Variants in CLEC2D observed in about 807,000 individuals in gnomAD.
The protein encoded by CLEC2D is C-type lectin related f.
A neutral mutation model predicts 20.0 loss-of-function variants in CLEC2D; 16 were observed. That is an observed-to-expected ratio of 0.80 (90% CI 0.54 to 1.22). CLEC2D has a LOEUF of 1.22. CLEC2D is among the 50% of genes most tolerant of loss of function. The pLI is 0.00. For synonymous variants in CLEC2D, 77 were observed against 71.1 expected (o/e 1.08, Z -0.42); for missense variants, 207 against 221.5 (o/e 0.93, Z 0.42).
chr12:9,698,156 T>TA lies in CLEC2D; in HGVS notation c.*3283dup, dbSNP rs1866043760. On this transcript the variant is annotated 3_prime_UTR_variant, in exon 5 of 5. Coordinates refer to ENST00000290855, the MANE Select transcript of CLEC2D (RefSeq NM_013269.6). ...TATGGAATACAATGTGATGTTCTGA[T>TA]ATATGTGTACACTATGGAATGATTA... The TA allele has an allele frequency of 1.3e-5, 2 of 152,238 alleles. No homozygotes were observed. Among genetic ancestry groups the TA allele is most frequent in the African/African-American group, 4.8e-5 (2 of 41,474 alleles). 9.4% of individuals were successfully genotyped at this position (152,238 alleles called of 1,614,324 possible).
chr12:9,693,717 T>A (rs946036567), intron 4 of CLEC2D: 2 of 388,210 alleles, frequency 5.2e-6, no homozygotes, highest in Admixed American at 6.0e-5. Context: ...TTGTGACTGC[T>A]TCATAAATAT....
At chr12:9,691,389 T>C (rs977532803) in intron 3 of CLEC2D, among the ~76,000 whole-genome samples, 6 of 152,078 alleles carry the variant, frequency 3.9e-5, no homozygotes, top group African/African-American at 1.4e-4. Flanking sequence ...AATAGAAAAT[T>C]TGAACAACAC....
At chr12:9,689,234 T>C (rs1865815128) in intron 3 of CLEC2D, among the ~76,000 whole-genome samples, 1 of 152,164 alleles carries the variant, frequency 6.6e-6, no homozygotes, top group Non-Finnish European at 1.5e-5. Context: ...ACAATTTTTA[T>C]TAGATAACTG....
At position 9,698,923 on chromosome 12, in the gene CLEC2D, C is replaced by A. The variant is rs1192175886; in HGVS notation, c.*4049C>A. 1.3e-5 allele frequency: 2 copies of A among 152,172 alleles called. No homozygotes were observed. The highest frequency in any genetic ancestry group is 2.9e-5 in the Non-Finnish European group (2 of 68,024). The allele number at this position is 152,172 out of a possible 1,614,324, so 9.4% of individuals were successfully genotyped here. A position where few individuals can be genotyped will look rare whatever the true frequency, so the allele number is the denominator to read the frequency against. On this transcript the variant is annotated 3_prime_UTR_variant, in exon 5 of 5. Transcript: ENST00000290855. ...TTCCTTTATCTGCTTTAAGTTCAGA[C>A]TCACCAAATAAGAAAACAGTTAATT... is the stretch of plus-strand genomic sequence containing the variant.
chr12:9,675,181 T>G (rs1388545031), intron 1 of CLEC2D, among the ~76,000 whole-genome samples: 1 of 147,322 alleles, frequency 6.8e-6, no homozygotes, highest in Non-Finnish European at 1.5e-5. Context: ...ATTAATTTAT[T>G]TGTCTATTCC....
intron 3 of CLEC2D, among the ~76,000 whole-genome samples, chr12:9,690,127 A>G (rs1428240112): frequency 2.6e-5 from 4 of 152,100 alleles, no homozygotes; most frequent in African/African-American, 9.7e-5. Context: ...GCAACTCATC[A>G]TTTACATAAG....
At chr12:9,688,261 C>T in intron 3 of CLEC2D, 175 bp downstream of exon 3, 1 of 1,168,032 alleles carries the variant, frequency 8.6e-7, no homozygotes, top group Non-Finnish European at 1.1e-6. Flanking sequence ...TACAGTGAAC[C>T]ATCTAAAATT....
Position 9,669,765 on chromosome 12 carries a change from A to G in CLEC2D, c.31A>G (p.Ile11Val). 4 of 1,613,964 alleles carry G rather than the reference A, an allele frequency of 2.5e-6. No individual in the cohort carries two copies. The highest frequency in any genetic ancestry group is 1.7e-6 in the Non-Finnish European group (2 of 1,179,860). ...TGACAGTAACAATGTGGAGAAAGAC[A>G]TTACACCATCTGAATTGCCTGCAAA... is the stretch of plus-strand genomic sequence containing the variant. MHDSNNVEKDITPSELPANPG... is the reference protein window; with the variant it reads MHDSNNVEKDVTPSELPANPG... Residue 11 changes from isoleucine to valine, a missense_variant, in exon 1 of 5, where the codon ATT (isoleucine) becomes GTT (valine). By Grantham distance (29) the Ile-to-Val change is conservative. Coordinates refer to ENST00000290855, the MANE Select transcript of CLEC2D (RefSeq NM_013269.6).
rs1027517157 is a variant in CLEC2D, at chr12:9,695,241, T to C, written c.*367T>C. On this transcript the variant is annotated 3_prime_UTR_variant, in exon 5 of 5. Transcript: ENST00000290855. ...AGGGGGACTTGTGCACAGGAACTCC[T>C]ATTTATACAACCATCAGATATCTTG... The C allele has an allele frequency of 3.2e-6, 2 of 631,780 alleles. No homozygotes were observed. Among genetic ancestry groups the C allele is most frequent in the African/African-American group, 3.7e-5 (2 of 54,586 alleles). 39.1% of individuals were successfully genotyped at this position (631,780 alleles called of 1,614,324 possible).
intron 1 of CLEC2D, 150 bp from the exon 2 acceptor site, chr12:9,680,773 A>G (rs1348832201): frequency 2.0e-6 from 1 of 489,930 alleles, no homozygotes; most frequent in Non-Finnish European, 3.6e-6. Flanking sequence ...TTCTGGAGAT[A>G]GAATAGTAAG....
intron 1 of CLEC2D, chr12:9,680,368 A>C: frequency 6.0e-6 from 1 of 166,136 alleles, no homozygotes. Flanking sequence ...GACTAATACA[A>C]CTGCTAACAT....
chr12:9,692,155 A>G (rs1381496176), intron 3 of CLEC2D, among the ~76,000 whole-genome samples: 1 of 151,864 alleles, frequency 6.6e-6, no homozygotes, highest in African/African-American at 2.4e-5. Context: ...TTTCTTTTTG[A>G]GACAGAATCT....
At chr12:9,687,828 A>C (rs1252937477) in intron 2 of CLEC2D, 74 bp from the exon 3 acceptor site, 1 of 877,938 alleles carries the variant, frequency 1.1e-6, no homozygotes, top group East Asian at 3.2e-5. Flanking sequence ...AAAGTATATT[A>C]GCACTTGGTA....
At chr12:9,686,916 T>C (rs1489337657) in intron 2 of CLEC2D, among the ~76,000 whole-genome samples, 1 of 152,196 alleles carries the variant, frequency 6.6e-6, no homozygotes, top group Non-Finnish European at 1.5e-5. Context: ...TATTTAGACA[T>C]ATACAAGGCT....
At chr12:9,690,198 G>A (rs990702341) in intron 3 of CLEC2D, among the ~76,000 whole-genome samples, 1 of 152,058 alleles carries the variant, frequency 6.6e-6, no homozygotes, top group Non-Finnish European at 1.5e-5. Context: ...GAAGGTAGTG[G>A]AATGGCATAT....
In CLEC2D at chr12:9,695,954, A is replaced by T. The variant is rs1254651279; in HGVS notation, c.*1080A>T. The stretch of plus-strand genomic sequence containing the variant: ...TCTATACGAGATACTCCAGCCAAAA[A>T]TGCACAAAAGTCAAATCAGAATGGA... On this transcript the variant is annotated 3_prime_UTR_variant, in exon 5 of 5. Coordinates refer to ENST00000290855, the MANE Select transcript of CLEC2D (RefSeq NM_013269.6). The T allele has an allele frequency of 1.9e-6, 3 of 1,556,408 alleles. No homozygotes were observed. The highest frequency in any genetic ancestry group is 2.6e-6 in the Non-Finnish European group (3 of 1,142,840).
rs1866002125 is a variant in CLEC2D at position 9,696,674 on chromosome 12, CAT to C, written c.*1803_*1804del. 1 of 169,724 alleles carries C rather than the reference CAT, an allele frequency of 5.9e-6. No homozygotes were observed. The highest frequency in any genetic ancestry group is 2.4e-5 in the African/African-American group (1 of 41,754). The allele number at this position is 169,724 out of a possible 1,614,324, so 10.5% of individuals were successfully genotyped here. On this transcript the variant is annotated 3_prime_UTR_variant, in exon 5 of 5. Coordinates refer to ENST00000290855, the MANE Select transcript of CLEC2D (RefSeq NM_013269.6). ...AATTTGGGTGGAGACACAACCAAAC[CAT>C]ATCAGATGGCTATATCAAAAAGACA... is the stretch of plus-strand genomic sequence containing the variant.
intron 2 of CLEC2D, among the ~76,000 whole-genome samples, chr12:9,686,415 A>T (rs1865751421): frequency 1.3e-5 from 2 of 152,112 alleles, no homozygotes; most frequent in South Asian, 4.1e-4. Context: ...CTGGTTCAAG[A>T]AATTACATTT....
rs1865949418 is a variant in CLEC2D, at chr12:9,695,010, A to G, written c.*136A>G. 3.3e-6 allele frequency: 2 copies of G among 608,990 alleles called. No individual in the cohort carries two copies. Among genetic ancestry groups the G allele is most frequent in the African/African-American group, 3.7e-5 (2 of 53,886 alleles). The allele number at this position is 608,990 out of a possible 1,614,324, so 37.7% of individuals were successfully genotyped here. ...CTCAATATCACTAATAACTGGGAAA[A>G]TACAAATCAAAATCATAGTAAAATA... is the stretch of plus-strand genomic sequence containing the variant. On this transcript the variant is annotated 3_prime_UTR_variant, in exon 5 of 5. Coordinates refer to ENST00000290855, the MANE Select transcript of CLEC2D (RefSeq NM_013269.6).
Sources: allele counts gnomAD v4.1 joint callset (sites outside exome capture counted in the v4.1 genomes callset), GRCh38; gene constraint gnomAD v4.1.1; transcripts MANE v1.5; gene names NCBI Gene and HGNC (gene_info 2026-07-23, HGNC 2026-07-21).